The following CADM2 variants were observed in gnomAD, a reference collection of about 807,000 sequenced individuals.
CADM2 encodes the protein immunoglobulin superfamily member 4D.
CADM2 carries 12 observed loss-of-function variants against 49.8 expected under a neutral mutation model. That is an observed-to-expected ratio of 0.24 (90% confidence interval 0.15 to 0.39). The LOEUF (loss-of-function observed/expected upper bound fraction) is 0.39. Ranked by LOEUF, CADM2 falls within the 10% of genes least tolerant of loss-of-function variation. The probability of loss-of-function intolerance (pLI) is 1.00; values close to 1 mark genes in which losing one functional copy is unlikely to be tolerated. For missense variants in CADM2, 378 were observed against 492.3 expected (o/e 0.77, Z 2.20); for synonymous variants, 214 against 175.4 (o/e 1.22, Z -1.74).
At chr3:85,070,213 T>C (rs1345156468) in intron 1 of CADM2, among the ~76,000 whole-genome samples, 1 of 152,158 alleles carries the variant, frequency 6.6e-6, no homozygotes, top group Non-Finnish European at 1.5e-5. Context: ...AGATGCCCTT[T>C]ATCTCAAAAT....
Position 85,590,927 on chromosome 3 carries a change from A to ATT in CADM2, c.62-135586_62-135585dup, listed in dbSNP as rs144075169. Reference sequence around the variant, plus strand: ...ATGAAATTTATTTATTTGGAAACTCATTTTTTTTTTGCCTGTCTTCTTGTT... The same window carrying ATT: ...ATGAAATTTATTTATTTGGAAACTCATTTTTTTTTTTTGCCTGTCTTCTTGTT... On this transcript the variant is annotated intron_variant, in intron 1 of 9. Coordinates refer to ENST00000383699, the MANE Select transcript of CADM2 (RefSeq NM_001167675.2). Among the ~76,000 whole-genome samples, 453 of 148,678 alleles carry ATT rather than the reference A, an allele frequency of 3.0e-3. 2 individuals are homozygous for ATT. Among genetic ancestry groups the ATT allele is most frequent in the South Asian group, 4.0e-3 (19 of 4,728 alleles).
intron 2 of CADM2, among the ~76,000 whole-genome samples, chr3:85,743,952 A>G (rs961758540): frequency 3.9e-5 from 6 of 152,296 alleles, no homozygotes; most frequent in Admixed American, 2.0e-4. Context: ...TACTTTAGGT[A>G]CTTCTGTTCA....
At chr3:85,417,809 G>T (rs1424495143) in intron 1 of CADM2, among the ~76,000 whole-genome samples, 1 of 152,100 alleles carries the variant, frequency 6.6e-6, no homozygotes, top group Non-Finnish European at 1.5e-5. Flanking sequence ...TACTGTGCTG[G>T]TCTAGAGCAG....
At chr3:86,062,194 A>C in intron 8 of CADM2, among the ~76,000 whole-genome samples, 1 of 152,194 alleles carries the variant, frequency 6.6e-6, no homozygotes, top group East Asian at 1.9e-4. Flanking sequence ...TCAGCAAATA[A>C]AATGGATATG....
chr3:85,262,692 A>C (rs2043038646), intron 1 of CADM2, among the ~76,000 whole-genome samples: 2 of 152,104 alleles, frequency 1.3e-5, no homozygotes, highest in South Asian at 4.1e-4. Context: ...GTTTTGCAAA[A>C]GGTAGAACTG....
intron 5 of CADM2, among the ~76,000 whole-genome samples, chr3:85,894,843 G>T (rs1715000387): frequency 6.6e-6 from 1 of 152,230 alleles, no homozygotes; most frequent in South Asian, 2.1e-4. Context: ...TGTTGAGCTT[G>T]TGGGTACAAA....
intron 2 of CADM2, among the ~76,000 whole-genome samples, chr3:85,745,174 G>A (rs1460286818): frequency 2.6e-5 from 4 of 152,140 alleles, no homozygotes; most frequent in African/African-American, 9.7e-5. Flanking sequence ...TACCTCAGTG[G>A]CTTTTGATGT....
intron 1 of CADM2, among the ~76,000 whole-genome samples, chr3:85,692,483 G>C (rs1250653760): frequency 6.6e-6 from 1 of 152,156 alleles, no homozygotes; most frequent in Non-Finnish European, 1.5e-5. Flanking sequence ...ATGTAGCTAG[G>C]TGAAGAAAAT....
chr3:86,021,775 T>C (rs1236194564), intron 8 of CADM2, among the ~76,000 whole-genome samples: 3 of 152,180 alleles, frequency 2.0e-5, no homozygotes, highest in African/African-American at 7.2e-5. Context: ...TTTTAAAAAG[T>C]ATTCAACTAT....
At chr3:85,542,876 T>C (rs2061578217) in intron 1 of CADM2, among the ~76,000 whole-genome samples, 1 of 152,214 alleles carries the variant, frequency 6.6e-6, no homozygotes, top group Non-Finnish European at 1.5e-5. Flanking sequence ...CAGTACTTTA[T>C]AACTTTAGTA....
intron 3 of CADM2, among the ~76,000 whole-genome samples, chr3:85,823,936 G>A (rs900601090): frequency 2.6e-5 from 4 of 152,044 alleles, no homozygotes; most frequent in African/African-American, 7.2e-5. Flanking sequence ...GCCCATCCGC[G>A]AGATTAGAGA....
intron 1 of CADM2, among the ~76,000 whole-genome samples, chr3:85,120,612 A>G (rs1170440446): frequency 6.6e-6 from 1 of 152,094 alleles, no homozygotes; most frequent in East Asian, 1.9e-4. Flanking sequence ...TCTCTCATAA[A>G]TGGGAGATGA....
chr3:85,798,746 A>C (rs1415647703), intron 2 of CADM2, among the ~76,000 whole-genome samples: 1 of 152,162 alleles, frequency 6.6e-6, no homozygotes, highest in Non-Finnish European at 1.5e-5. Context: ...TGTCTTGGCC[A>C]TATGGGCTCT....
chr3:86,005,156 TG>T (rs1408924908), intron 8 of CADM2, among the ~76,000 whole-genome samples: 1 of 152,244 alleles, frequency 6.6e-6, no homozygotes, highest in East Asian at 1.9e-4. Context: ...CTTGTGGCTC[TG>T]CTTTTAATAC....
intron 8 of CADM2, among the ~76,000 whole-genome samples, chr3:85,985,940 A>G (rs9853780): frequency 0.078 from 11,903 of 152,092 alleles, 1,528 homozygotes; most frequent in African/African-American, 0.27. Flanking sequence ...AATGTGCACT[A>G]CGAAAGAGTT....
chr3:85,050,726 A>C (rs575822904), intron 1 of CADM2, among the ~76,000 whole-genome samples: 91 of 152,158 alleles, frequency 6.0e-4, no homozygotes, highest in Non-Finnish European at 1.1e-3. Context: ...CGATATCTGC[A>C]CCTAATTCTA....
chr3:85,724,035 A>C (rs1362100762), intron 1 of CADM2, among the ~76,000 whole-genome samples: 1 of 151,950 alleles, frequency 6.6e-6, no homozygotes, highest in Non-Finnish European at 1.5e-5. Flanking sequence ...AACAATACAC[A>C]CAAAAAATAA....
chr3:85,676,889 C>T (rs776858311), intron 1 of CADM2, among the ~76,000 whole-genome samples: 1 of 152,080 alleles, frequency 6.6e-6, no homozygotes, highest in African/African-American at 2.4e-5. Flanking sequence ...ACATAGTTTC[C>T]GTGACACTTA....
intron 1 of CADM2, among the ~76,000 whole-genome samples, chr3:85,357,845 T>C (rs2032002875): frequency 6.6e-6 from 1 of 152,080 alleles, no homozygotes; most frequent in Non-Finnish European, 1.5e-5. Flanking sequence ...GAAGAGTTTC[T>C]AAGGGAATGA....
Sources: allele counts gnomAD v4.1 joint callset (sites outside exome capture counted in the v4.1 genomes callset), GRCh38; gene constraint gnomAD v4.1.1; transcripts MANE v1.5; gene names NCBI Gene and HGNC (gene_info 2026-07-23, HGNC 2026-07-21).